The following EXOSC10 variants were observed in gnomAD, a reference collection of about 807,000 sequenced individuals.
EXOSC10 encodes the protein exosome component 10, also known as exosome complex component 10.
In EXOSC10, 94 loss-of-function variants were observed where a neutral mutation model predicts 126.6. The ratio of observed to expected loss-of-function variants is 0.74; its 90% CI spans 0.63 to 0.88. EXOSC10 has a LOEUF of 0.88. Ranked by LOEUF, EXOSC10 falls within the 40% of genes least tolerant of loss-of-function variation. The pLI is 0.00. For synonymous variants in EXOSC10, 395 were observed against 400.8 expected, an observed-to-expected ratio of 0.99 and a Z score of 0.17; for missense variants, 1,041 against 1,100.5, an observed-to-expected ratio of 0.95 and a Z score of 0.77.
chr1:11,097,852 T>C (rs1043342431), intron 2 of EXOSC10, among the ~76,000 whole-genome samples, 168 bp downstream of exon 2: 6 of 152,250 alleles, frequency 3.9e-5, no homozygotes, highest in African/African-American at 1.4e-4. Flanking sequence ...ACTAAAAATA[T>C]ACCAAGTAAT....
Position 11,090,575 on chromosome 1 carries a change from G to A in EXOSC10, c.737C>T (p.Thr246Ile), listed in dbSNP as rs779940988. ...TTACATGTCTTGCTCAACCTGCTGG[G>A]TTCTCTGCTGATGGATGAAATCAGC... ...ALADFIHQQR[T>I]QQVEQDMFAH... Residue 246 changes from threonine to isoleucine, a missense_variant, in exon 6 of 25, where the codon ACC (threonine) becomes ATC (isoleucine). Transcript: ENST00000376936. 1 of 1,614,074 alleles carries A rather than the reference G, an allele frequency of 6.2e-7. No homozygotes were observed. The highest frequency in any genetic ancestry group is 8.5e-7 in the Non-Finnish European group (1 of 1,179,976).
chr1:11,088,316 T>C, intron 6 of EXOSC10, 118 bp from the exon 7 acceptor site: 1 of 643,800 alleles, frequency 1.6e-6, no homozygotes, highest in South Asian at 2.1e-5. Flanking sequence ...TGAAAATATC[T>C]TCCCTTTACA....
Position 11,080,865 on chromosome 1 carries a change from A to G in EXOSC10, c.1485T>C (p.Tyr495=), listed in dbSNP as rs139063186. The G allele has an allele frequency of 1.7e-5, 27 of 1,613,874 alleles. No homozygotes were observed. The highest frequency in any genetic ancestry group is 2.1e-5 in the Non-Finnish European group (25 of 1,179,976). The change falls in exon 12 of 25, where the codon TAT becomes TAC. Residue 495 remains tyrosine, a synonymous_variant. Transcript: ENST00000376936. ...TGTTAAGGTGCTTCTTCTGCTTCCT[A>G]TAGAGTTCAAGGTAGGACTCATCCG... ...IFTDESYLEL[Y]RKQKKHLNTQ...
chr1:11,075,925 G>A (rs1439361919), intron 17 of EXOSC10, among the ~76,000 whole-genome samples: 1 of 150,740 alleles, frequency 6.6e-6, no homozygotes, highest in African/African-American at 2.5e-5. Context: ...CAGCACTTTG[G>A]GAGGCTTAGG....
chr1:11,087,787 A>G lies in EXOSC10; in HGVS notation c.945+13T>C, dbSNP rs760740539. On this transcript the variant is annotated intron_variant, in intron 8 of 24. Transcript: ENST00000376936. ...AAATGTAAAAATTTTACCCAGGGTC[A>G]TTTATAAGATACCTCCAAGTCAACT... The G allele has an allele frequency of 5.0e-6, 8 of 1,598,558 alleles. No homozygotes were observed. In the African/African-American group the frequency reaches 1.1e-4, roughly 21 times the overall value.
At chr1:11,070,265 T>TAAAAAAAAAAAA (rs35601923) in intron 21 of EXOSC10, among the ~76,000 whole-genome samples, 1 of 100,594 alleles carries the variant, frequency 9.9e-6, no homozygotes, top group Non-Finnish European at 1.8e-5. Flanking sequence ...AAAAGGAAAT[T>TAAAAAAAAAAAA]AAAAAAAAAA....
At position 11,076,901 on chromosome 1, in the gene EXOSC10, C is replaced by G. The variant is rs1639848231; in HGVS notation, c.1927G>C (p.Glu643Gln). The G allele has an allele frequency of 2.5e-6, 4 of 1,614,016 alleles. No individual in the cohort carries two copies. Among genetic ancestry groups the G allele is most frequent in the Non-Finnish European group, 3.4e-6 (4 of 1,180,036 alleles). Residue 643 changes from glutamate to glutamine, a missense_variant, in exon 17 of 25, where the codon GAA (glutamate) becomes CAA (glutamine). By Grantham distance (29) the Glu-to-Gln change is conservative. Coordinates refer to ENST00000376936, the MANE Select transcript of EXOSC10 (RefSeq NM_001001998.3). The part of the protein sequence containing the change: ...KQASLFPDEK[E>Q]DNLLGTTCLI... ...CATGTGGTACCCAGCAAGTTATCTT[C>G]TTTTTCATCAGGGAAGAGGCTCGCC...
At position 11,087,832 on chromosome 1, in the gene EXOSC10, A is replaced by G; in HGVS notation, c.913T>C (p.Leu305=). 2 of 1,609,932 alleles carry G rather than the reference A, an allele frequency of 1.2e-6. No homozygotes were observed. Among genetic ancestry groups the G allele is most frequent in the Non-Finnish European group, 1.7e-6 (2 of 1,176,390 alleles). The part of the protein sequence containing the change: ...DELVELNEKL[L]NCQEFAVDLE... ...TCAACTGCAAATTCCTGACAATTCA[A>G]GAGCTTTTCGTTGAGTTCCACGAGT... is the stretch of plus-strand genomic sequence containing the variant. The change falls in exon 8 of 25, where the codon TTG becomes CTG. Residue 305 remains leucine, a synonymous_variant. Coordinates refer to ENST00000376936, the MANE Select transcript of EXOSC10 (RefSeq NM_001001998.3).
rs1211471050 is a variant in EXOSC10, at chr1:11,099,739, G to A, written c.93C>T (p.Asp31=). ...AACTCACCTTCACAAAGCTGTCGGC[G>A]TCCGGGAAGCCTGGCAGCACCATCT... ...DGEMVLPGFP[D]ADSFVKFALG... The change falls in exon 1 of 25, where the codon GAC becomes GAT. Residue 31 remains aspartate, a synonymous_variant. Transcript: ENST00000376936. The A allele has an allele frequency of 1.2e-6, 2 of 1,609,620 alleles. No individual in the cohort carries two copies. Among genetic ancestry groups the A allele is most frequent in the Admixed American group, 1.7e-5 (1 of 59,484 alleles).
In EXOSC10 at chr1:11,099,803, C is replaced by T. The variant is rs540443256; in HGVS notation, c.29G>A (p.Arg10Lys). The T allele has an allele frequency of 4.3e-6, 7 of 1,611,634 alleles. No homozygotes were observed. The African/African-American group carries it at 8.0e-5, about 19-fold the overall frequency. The stretch of plus-strand genomic sequence containing the variant: ...GGTTGCGCTGGTCGCCGACAGGACC[C>T]TGGGCTCCCGGGTACTGGGTGGCGC... Reference protein sequence around the residue: MAPPSTREPRVLSATSATKS... With the variant: MAPPSTREPKVLSATSATKS... Residue 10 changes from arginine to lysine, a missense_variant, in exon 1 of 25, where the codon AGG (arginine) becomes AAG (lysine). Physicochemically the swap from Arg to Lys is conservative, Grantham distance 26. Around this residue, in one of 3 missense-constraint regions of EXOSC10, gnomAD observed 645 missense variants for 656.3 expected, o/e 0.98. Transcript: ENST00000376936.
intron 3 of EXOSC10, among the ~76,000 whole-genome samples, chr1:11,093,831 T>A (rs926887675): frequency 6.6e-6 from 1 of 151,974 alleles, no homozygotes; most frequent in Non-Finnish European, 1.5e-5. Context: ...CTAAGGAGGC[T>A]GAGGTGGGGG....
intron 17 of EXOSC10, 94 bp downstream of exon 17, chr1:11,076,748 G>A: frequency 1.0e-6 from 1 of 961,394 alleles, no homozygotes; most frequent in East Asian, 2.4e-5. Context: ...TAGTCTCCGA[G>A]TGTATGCAAT....
chr1:11,077,388 C>T lies in EXOSC10; in HGVS notation c.1856G>A (p.Gly619Asp), dbSNP rs1264358180. ...PHDCSHAPPD[G>D]YPIIPTSGSV... ...ACCACTGGTTGGGATGATTGGATAGCCATCCGGAGGGGCATGGGAGCAGTC... is the reference window on the plus strand; with the variant it reads ...ACCACTGGTTGGGATGATTGGATAGTCATCCGGAGGGGCATGGGAGCAGTC... Residue 619 changes from glycine to aspartate, a missense_variant, in exon 16 of 25, where the codon GGC becomes GAC. Transcript: ENST00000376936. 2 of 1,612,052 alleles carry T rather than the reference C, an allele frequency of 1.2e-6. No homozygotes were observed. Among genetic ancestry groups the T allele is most frequent in the East Asian group, 2.2e-5 (1 of 44,848 alleles).
chr1:11,084,332 AGAT>A (rs1213913591), intron 9 of EXOSC10, among the ~76,000 whole-genome samples: 10 of 152,212 alleles, frequency 6.6e-5, no homozygotes, highest in African/African-American at 1.2e-4. Context: ...AACTGGTGTG[AGAT>A]GATATCTCAC....
At position 11,072,069 on chromosome 1, in the gene EXOSC10, CA is replaced by C. The variant is rs1218120218; in HGVS notation, c.2242+17del. On this transcript the variant is annotated intron_variant, in intron 20 of 24. Coordinates refer to ENST00000376936, the MANE Select transcript of EXOSC10 (RefSeq NM_001001998.3). ...CATTCTTTAACAGCCGACTGAGTTG[CA>C]AGGAAGTGAGTGTTACCTGTTTGCT... is the stretch of plus-strand genomic sequence containing the variant. 3.7e-6 allele frequency: 6 copies of C among 1,600,466 alleles called. No homozygotes were observed. The African/African-American group carries it at 6.7e-5, about 18-fold the overall frequency.
intron 23 of EXOSC10, chr1:11,068,373 G>A: frequency 1.7e-6 from 1 of 589,634 alleles, no homozygotes; most frequent in South Asian, 2.1e-5. Flanking sequence ...GGCTTGTGCT[G>A]GCCCCAAAGG....
At chr1:11,085,276 C>T (rs1356686765) in intron 9 of EXOSC10, among the ~76,000 whole-genome samples, 2 of 152,102 alleles carry the variant, frequency 1.3e-5, no homozygotes, top group South Asian at 2.1e-4. Flanking sequence ...AATGTTCTTC[C>T]ATTTGTTTGT....
At chr1:11,097,086 T>C (rs541978142) in intron 2 of EXOSC10, among the ~76,000 whole-genome samples, 14 of 152,194 alleles carry the variant, frequency 9.2e-5, no homozygotes, top group Admixed American at 6.5e-4. Flanking sequence ...CGTACATGCC[T>C]GTTATCCCAG....
chr1:11,089,222 T>TAAAAAAAAAAAA (rs533212430), intron 6 of EXOSC10, among the ~76,000 whole-genome samples: 7 of 49,712 alleles, frequency 1.4e-4, no homozygotes, highest in African/African-American at 4.1e-4. Flanking sequence ...AGAGCAAAAC[T>TAAAAAAAAAAAA]AAAAAAAAAA....
Sources: allele counts gnomAD v4.1 joint callset (sites outside exome capture counted in the v4.1 genomes callset), GRCh38; gene constraint gnomAD v4.1.1; regional missense constraint gnomAD v4.1.1; transcripts MANE v1.5; gene names NCBI Gene and HGNC (gene_info 2026-07-23, HGNC 2026-07-21).